Variants in TRMT11 observed in about 807,000 individuals in gnomAD.
TRMT11 encodes the protein tRNA (guanine(10)-N(2))-methyltransferase TRMT11.
Under a neutral mutation model 62.8 loss-of-function variants are expected in TRMT11, and 53 were observed. That is an observed-to-expected ratio of 0.84 (90% CI 0.68 to 1.06). The LOEUF (loss-of-function observed/expected upper bound fraction) is 1.06. TRMT11 is among the 50% of genes least tolerant of loss of function. TRMT11 has a pLI of 0.00. For missense variants in TRMT11, 556 were observed against 553.4 expected, an observed-to-expected ratio of 1.00 and a Z score of -0.05; for synonymous variants, 188 against 190.3, an observed-to-expected ratio of 0.99 and a Z score of 0.10.
At chr6:125,998,356 G>T in intron 5 of TRMT11, 41 bp downstream of exon 5, 1 of 1,389,124 alleles carries the variant, frequency 7.2e-7, no homozygotes, top group Non-Finnish European at 1.0e-6. Flanking sequence ...CATGATGAAT[G>T]CAGTCTGGCC....
chr6:126,200,796 G>A (rs922073447), intron 3 of TRMT11, among the ~76,000 whole-genome samples: 1 of 151,984 alleles, frequency 6.6e-6, no homozygotes, highest in Non-Finnish European at 1.5e-5. Flanking sequence ...CTTGTGATCC[G>A]CCTGCCTTAG....
At chr6:126,166,364 T>A (rs1480351727) in intron 21 of TRMT11, among the ~76,000 whole-genome samples, 1 of 151,976 alleles carries the variant, frequency 6.6e-6, no homozygotes, top group Non-Finnish European at 1.5e-5. Context: ...TTCCTTTCTG[T>A]TTTTTTTCCT....
chr6:126,045,673 A>T (rs1242478298), intron 16 of TRMT11, among the ~76,000 whole-genome samples: 1 of 152,066 alleles, frequency 6.6e-6, no homozygotes, highest in Non-Finnish European at 1.5e-5. Flanking sequence ...CTTCAAGTCC[A>T]CCCCACTATA....
intron 7 of TRMT11, among the ~76,000 whole-genome samples, chr6:126,004,066 T>G (rs953173705): frequency 6.6e-6 from 1 of 152,078 alleles, no homozygotes; most frequent in Non-Finnish European, 1.5e-5. Flanking sequence ...GTTCTTGGAC[T>G]TTAAAAACTT....
At chr6:126,111,870 C>T (rs1397152959) in intron 17 of TRMT11, among the ~76,000 whole-genome samples, 1 of 152,086 alleles carries the variant, frequency 6.6e-6, no homozygotes, top group African/African-American at 2.4e-5. Flanking sequence ...TCTTGGCTTA[C>T]TGTATATAAA....
At chr6:125,988,724 A>T (rs973058620) in intron 1 of TRMT11, among the ~76,000 whole-genome samples, 1 of 152,200 alleles carries the variant, frequency 6.6e-6, no homozygotes, top group Non-Finnish European at 1.5e-5. Flanking sequence ...GGAGAAGAGC[A>T]TAGGTATTAG....
chr6:125,990,760 G>A (rs1429131616), intron 1 of TRMT11, among the ~76,000 whole-genome samples: 1 of 152,036 alleles, frequency 6.6e-6, no homozygotes, highest in Non-Finnish European at 1.5e-5. Context: ...TTCTCAAACT[G>A]AAGTAATCTT....
At chr6:126,262,540 C>T in the TRMT11 span, among the ~76,000 whole-genome samples, 1 of 152,172 alleles carries the variant, frequency 6.6e-6, no homozygotes, top group Non-Finnish European at 1.5e-5. Flanking sequence ...CAGGACAGGA[C>T]ACACTCTAGC....
chr6:126,165,924 A>G (rs1778255935), intron 21 of TRMT11, among the ~76,000 whole-genome samples: 1 of 152,186 alleles, frequency 6.6e-6, no homozygotes, highest in Non-Finnish European at 1.5e-5. Context: ...TACATCAATC[A>G]AATGTAGGTT....
Position 126,090,212 on chromosome 6 carries a change from A to C in TRMT11, c.*1438-22654A>C, listed in dbSNP as rs149163714. ...TACAGTTTTCACAGATCTCATGGCA[A>C]CTCTTTCTCATATGTCTGTCTGATG... is the stretch of plus-strand genomic sequence containing the variant. On this transcript the variant is annotated intron_variant and NMD_transcript_variant, in intron 17 of 22. Coordinates refer to the TRMT11 transcript ENST00000648977. 3.2e-3 allele frequency among the ~76,000 whole-genome samples: 492 copies of C among 152,126 alleles called. 4 individuals are homozygous for C. Among genetic ancestry groups the C allele is most frequent in the Non-Finnish European group, 4.0e-3 (271 of 67,980 alleles).
the TRMT11 span, among the ~76,000 whole-genome samples, chr6:126,214,571 G>A: frequency 1.3e-5 from 2 of 151,872 alleles, no homozygotes; most frequent in Non-Finnish European, 2.9e-5. Flanking sequence ...TGTGGTATCA[G>A]TTGTATTGTC....
At chr6:126,135,029 A>C (rs1202672409) in intron 21 of TRMT11, among the ~76,000 whole-genome samples, 1 of 151,730 alleles carries the variant, frequency 6.6e-6, no homozygotes, top group Non-Finnish European at 1.5e-5. Context: ...AAATGCCTAC[A>C]TCCAAATAAT....
the TRMT11 span, among the ~76,000 whole-genome samples, chr6:126,229,617 T>A: frequency 6.6e-6 from 1 of 152,242 alleles, no homozygotes; most frequent in Non-Finnish European, 1.5e-5. Context: ...GATCATTTTC[T>A]ACCTCATTCC....
the TRMT11 span, among the ~76,000 whole-genome samples, chr6:126,257,535 T>C: frequency 1.3e-5 from 2 of 152,264 alleles, no homozygotes; most frequent in South Asian, 4.1e-4. Context: ...GTTTGGAAGT[T>C]TTCCTTCCTC....
chr6:126,094,364 A>G (rs1777317143), intron 17 of TRMT11, among the ~76,000 whole-genome samples: 1 of 152,232 alleles, frequency 6.6e-6, no homozygotes, highest in Non-Finnish European at 1.5e-5. Flanking sequence ...TTTCTCATTT[A>G]AAATTGCTAC....
At chr6:126,092,451 C>G (rs1050727240) in intron 17 of TRMT11, among the ~76,000 whole-genome samples, 1 of 152,138 alleles carries the variant, frequency 6.6e-6, no homozygotes, top group East Asian at 1.9e-4. Flanking sequence ...GACATATGCA[C>G]TACCATGAGA....
At chr6:126,249,871 A>AT in the TRMT11 span, among the ~76,000 whole-genome samples, 1 of 152,156 alleles carries the variant, frequency 6.6e-6, no homozygotes, top group East Asian at 1.9e-4. Context: ...TAGGAGTATG[A>AT]TTGAGAGCAA....
chr6:126,159,506 G>T (rs1778164912), intron 21 of TRMT11, among the ~76,000 whole-genome samples: 4 of 152,166 alleles, frequency 2.6e-5, no homozygotes, highest in Admixed American at 2.0e-4. Flanking sequence ...AAAGAACTTG[G>T]CCACTGATCA....
chr6:126,094,508 G>GA (rs1228413121), intron 17 of TRMT11, among the ~76,000 whole-genome samples: 2 of 152,118 alleles, frequency 1.3e-5, no homozygotes, highest in African/African-American at 4.8e-5. Context: ...CATAGAGAAA[G>GA]AAAAAACCTT....
Sources: gnomAD v4.1 joint callset for allele counts (sites outside exome capture counted in the v4.1 genomes callset) on GRCh38, gnomAD v4.1.1 for gene constraint, MANE v1.5 for transcripts, NCBI Gene and HGNC (gene_info 2026-07-23, HGNC 2026-07-21) for gene names.